SPIB: variants seen among roughly 807,000 people sequenced by gnomAD.
SPIB encodes transcription factor Spi-B.
In SPIB, 7 loss-of-function variants were observed where a neutral mutation model predicts 31.9. The observed-to-expected ratio is 0.22, with a 90% confidence interval of 0.12 to 0.41. SPIB has a LOEUF of 0.41. Among genes scored for constraint, SPIB ranks in the 10% least tolerant of loss-of-function variants. The pLI is 1.00. For synonymous variants in SPIB, 176 were observed against 158.9 expected, an observed-to-expected ratio of 1.11 and a Z score of -0.81; for missense variants, 327 against 360.2, an observed-to-expected ratio of 0.91 and a Z score of 0.75.
At chr19:50,427,517 C>T (rs1330514816) in intron 5 of SPIB, among the ~76,000 whole-genome samples, 1 of 152,134 alleles carries the variant, frequency 6.6e-6, no homozygotes, top group African/African-American at 2.4e-5. Flanking sequence ...AGAGCAAGAC[C>T]CCGTCTCAAA....
intron 5 of SPIB, among the ~76,000 whole-genome samples, chr19:50,426,983 A>G (rs73072070): frequency 0.052 from 7,799 of 151,214 alleles, 278 homozygotes; most frequent in Non-Finnish European, 0.056. Context: ...TAAAACAATT[A>G]GCTAGGCATG....
Position 50,427,133 on chromosome 19 carries a change from A to C in SPIB, c.491-905A>C, listed in dbSNP as rs968238702. Among the ~76,000 whole-genome samples, 7 of 151,884 alleles carry C rather than the reference A, an allele frequency of 4.6e-5. No individual in the cohort carries two copies. In the South Asian group the frequency reaches 1.5e-3, roughly 32 times the overall value. The stretch of plus-strand genomic sequence containing the variant: ...TGACAGAACGAGACCCTGCCTTGAA[A>C]AAAAAGAAATTAAGATGTCACTACG... On this transcript the variant is annotated intron_variant, in intron 5 of 5. Transcript: ENST00000595883.
intron 4 of SPIB, 175 bp downstream of exon 4, chr19:50,423,212 A>AG (rs932288537): frequency 6.5e-6 from 3 of 461,262 alleles, no homozygotes; most frequent in African/African-American, 6.0e-5. Flanking sequence ...CTCAAAAAAA[A>AG]AAAAAAAAAA....
At position 50,422,856 on chromosome 19, in the gene SPIB, T is replaced by A; in HGVS notation, c.158T>A (p.Val53Asp). 1 of 1,601,604 alleles carries A rather than the reference T, an allele frequency of 6.2e-7. No homozygotes were observed. Among genetic ancestry groups the A allele is most frequent in the African/African-American group, 1.3e-5 (1 of 74,648 alleles). ...SLWDWTVAPP[V>D]PATPYEAFDP... Reference sequence around the variant, plus strand: ...TGGGACTGGACTGTGGCCCCACCTGTCCCAGCCACCCCCTATGAAGCCTTC... The same window carrying A: ...TGGGACTGGACTGTGGCCCCACCTGACCCAGCCACCCCCTATGAAGCCTTC... The change falls in exon 4 of 6, where the codon GTC becomes GAC. Residue 53 changes from valine (V) to aspartate (D), a missense_variant. By Grantham distance (152) the Val-to-Asp change is radical (BLOSUM62 -3). This residue lies in a region of SPIB where 238 missense variants were observed against 228.8 expected (regional missense o/e 1.04). Coordinates refer to ENST00000595883, the MANE Select transcript of SPIB (RefSeq NM_003121.5).
intron 4 of SPIB, among the ~76,000 whole-genome samples, 170 bp from the exon 5 acceptor site, chr19:50,423,435 T>C (rs560648137): frequency 1.3e-5 from 2 of 151,920 alleles, no homozygotes; most frequent in Non-Finnish European, 2.9e-5. Context: ...TTTGAGGAGG[T>C]ACCTCAGGTG....
chr19:50,418,950 G>C lies in SPIB; in HGVS notation c.-13G>C, dbSNP rs1224802594. 2 of 1,553,388 alleles carry C rather than the reference G, an allele frequency of 1.3e-6. No homozygotes were observed. Among genetic ancestry groups the C allele is most frequent in the Non-Finnish European group, 1.7e-6 (2 of 1,148,870 alleles). ...GGCTGCAGCGGGCGGCAAACAGCCC[G>C]CCCGGCACCACCATGCTCGCCCTGG... On this transcript the variant is annotated 5_prime_UTR_variant, in exon 1 of 6. Transcript: ENST00000595883. The surrounding 1 kb of genome is among the most constrained non-coding windows in gnomAD (Gnocchi z 6.0).
rs1278514145 is a variant in SPIB at position 50,422,970 on chromosome 19, T to C, written c.272T>C (p.Leu91Pro). The C allele has an allele frequency of 6.3e-7, 1 of 1,580,102 alleles. No individual in the cohort carries two copies. The highest frequency in any genetic ancestry group is 1.4e-5 in the African/African-American group (1 of 73,904). Residue 91 changes from leucine (L) to proline (P), a missense_variant, in exon 4 of 6, where the codon CTG becomes CCG. Leu to Pro is a moderately conservative substitution (Grantham distance 98). Around this residue, in one of 4 missense-constraint regions of SPIB, gnomAD observed 238 missense variants for 228.8 expected, o/e 1.04. Transcript: ENST00000595883. ...TACAGCCCTGCAGGGAACCTCGAAC[T>C]GGCCCCCAGCCTGGAGGCCCCGGGG... Reference protein sequence around the residue: ...PTYSPAGNLELAPSLEAPGPG... With the variant: ...PTYSPAGNLEPAPSLEAPGPG...
Position 50,429,590 on chromosome 19 carries a change from C to G in SPIB, c.*1254C>G, listed in dbSNP as rs1225609900. 6.6e-6 allele frequency: 1 copy of G among 152,336 alleles called. No individual in the cohort carries two copies. The highest frequency in any genetic ancestry group is 1.5e-5 in the Non-Finnish European group (1 of 68,208). The allele number at this position is 152,336 out of a possible 1,614,324, so 9.4% of individuals were successfully genotyped here. On this transcript the variant is annotated 3_prime_UTR_variant, in exon 6 of 6. Coordinates refer to ENST00000595883, the MANE Select transcript of SPIB (RefSeq NM_003121.5). ...AGCGTGGGGGTGAACACCTGTGGTCCCAGCTGCTCAGGAGGCTGAGGTGGG... is the reference window on the plus strand; with the variant it reads ...AGCGTGGGGGTGAACACCTGTGGTCGCAGCTGCTCAGGAGGCTGAGGTGGG...
At position 50,428,022 on chromosome 19, in the gene SPIB, C is replaced by A; in HGVS notation, c.491-16C>A. 6.7e-7 allele frequency: 1 copy of A among 1,495,246 alleles called. No homozygotes were observed. The allele number at this position is 1,495,246 out of a possible 1,614,324, so 92.6% of individuals were successfully genotyped here. ...AGGGACCCCTCACCTAACGCGTGCC[C>A]CCGACCCCACCGCAGGGACTCGCAA... is the stretch of plus-strand genomic sequence containing the variant. On this transcript the variant is annotated splice_polypyrimidine_tract_variant and intron_variant, in intron 5 of 5. Transcript: ENST00000595883. This position sits in a 1 kb window ranked among gnomAD's most constrained non-coding sequence, Gnocchi z 6.5.
intron 5 of SPIB, among the ~76,000 whole-genome samples, chr19:50,424,306 T>A (rs2039538980): frequency 6.6e-6 from 1 of 152,132 alleles, no homozygotes. Context: ...AACTGTAAAG[T>A]GCCTTGTGAA....
In SPIB at chr19:50,428,096, C is replaced by T. The variant is rs1231787782; in HGVS notation, c.549C>T (p.Asp183=). 6.3e-7 allele frequency: 1 copy of T among 1,582,150 alleles called. No homozygotes were observed. Among genetic ancestry groups the T allele is most frequent in the East Asian group, 2.3e-5 (1 of 43,678 alleles). Residue 183 remains aspartate, a synonymous_variant, in exon 6 of 6, where the codon GAC becomes GAT. Transcript: ENST00000595883. The surrounding 1 kb of genome is among the most constrained non-coding windows in gnomAD (Gnocchi z 6.5). The stretch of plus-strand genomic sequence containing the variant: ...TGCTGGGGCTACTGACGCGCGGGGA[C>T]ATGCGTGAGTGCGTGTGGTGGGTGG... The part of the protein sequence containing the change: ...QFLLGLLTRG[D]MRECVWWVEP...
chr19:50,423,986 T>TG (rs1208697029), intron 5 of SPIB, among the ~76,000 whole-genome samples: 2 of 152,024 alleles, frequency 1.3e-5, no homozygotes, highest in Admixed American at 6.6e-5. Context: ...CTGAGGTCGT[T>TG]GGGGGGACTA....
chr19:50,428,556 TC>T lies in SPIB; in HGVS notation c.*221del. 1.8e-6 allele frequency: 1 copy of T among 553,166 alleles called. No individual in the cohort carries two copies. The highest frequency in any genetic ancestry group is 2.6e-5 in the South Asian group (1 of 38,686). 34.3% of individuals were successfully genotyped at this position (553,166 alleles called of 1,614,324 possible). A position where few individuals can be genotyped will look rare whatever the true frequency, so the allele number is the denominator to read the frequency against. On this transcript the variant is annotated 3_prime_UTR_variant, in exon 6 of 6. Transcript: ENST00000595883. This position sits in a 1 kb window ranked among gnomAD's most constrained non-coding sequence, Gnocchi z 6.5. ...CCTGGGGTCCTCTGGGATTTCTTTG[TC>T]ATGTACAGACTCCCTGGGATCCTCA...
At chr19:50,425,754 T>C (rs1239258638) in intron 5 of SPIB, among the ~76,000 whole-genome samples, 1 of 152,158 alleles carries the variant, frequency 6.6e-6, no homozygotes, top group Non-Finnish European at 1.5e-5. Context: ...AAATAAATTA[T>C]TTTATGGCTT....
Position 50,422,958 on chromosome 19 carries a change from G to A in SPIB, c.260G>A (p.Gly87Glu). Residue 87 changes from glycine (G) to glutamate (E), a missense_variant, in exon 4 of 6, where the codon GGG becomes GAG. Gly to Glu is a moderately conservative substitution (Grantham distance 98). Transcript: ENST00000595883. ...CYEPPTYSPAGNLELAPSLEA... is the reference protein window; with the variant it reads ...CYEPPTYSPAENLELAPSLEA... ...GAACCCCCCACCTACAGCCCTGCAG[G>A]GAACCTCGAACTGGCCCCCAGCCTG... 6.3e-7 allele frequency: 1 copy of A among 1,589,132 alleles called. No individual in the cohort carries two copies. The highest frequency in any genetic ancestry group is 1.1e-5 in the South Asian group (1 of 88,864).
In SPIB at chr19:50,428,033, C is replaced by T. The variant is rs532708920; in HGVS notation, c.491-5C>T. 9 of 1,510,200 alleles carry T rather than the reference C, an allele frequency of 6.0e-6. No homozygotes were observed. The highest frequency in any genetic ancestry group is 1.3e-5 in the South Asian group (1 of 78,130). 93.5% of individuals were successfully genotyped at this position (1,510,200 alleles called of 1,614,324 possible). ...ACCTAACGCGTGCCCCCGACCCCAC[C>T]GCAGGGACTCGCAAGAAGCTGCGCC... On this transcript the variant is annotated splice_region_variant and splice_polypyrimidine_tract_variant and intron_variant, in intron 5 of 5. Transcript: ENST00000595883. This position sits in a 1 kb window ranked among gnomAD's most constrained non-coding sequence, Gnocchi z 6.5.
At chr19:50,420,124 C>G (rs888816469) in intron 2 of SPIB, 151 bp downstream of exon 2, 2 of 625,370 alleles carry the variant, frequency 3.2e-6, no homozygotes, top group Admixed American at 8.6e-5. Flanking sequence ...ACCCCGCATC[C>G]GTATTTTTGA....
At chr19:50,423,219 AAAAGAAAAAG>A (rs2039522334) in intron 4 of SPIB, 182 bp downstream of exon 4, 1 of 462,864 alleles carries the variant, frequency 2.2e-6, no homozygotes, top group Non-Finnish European at 3.8e-6. Flanking sequence ...AAAAAAAAAA[AAAAGAAAAAG>A]AAAAGAAAAC....
intron 2 of SPIB, among the ~76,000 whole-genome samples, chr19:50,420,405 TTTTG>T (rs1156574397): frequency 1.3e-5 from 2 of 152,028 alleles, no homozygotes; most frequent in South Asian, 2.1e-4. Flanking sequence ...GCCATGTTTT[TTTTG>T]TTTGTTTTTG....
Sources: allele counts gnomAD v4.1 joint callset (sites outside exome capture counted in the v4.1 genomes callset), GRCh38; gene constraint gnomAD v4.1.1; regional missense constraint gnomAD v4.1.1; non-coding constraint Gnocchi (gnomAD v3.1); transcripts MANE v1.5; gene names NCBI Gene and HGNC (gene_info 2026-07-23, HGNC 2026-07-21).